PDE1C: variants seen among roughly 807,000 people sequenced by gnomAD.
PDE1C encodes phosphodiesterase 1C, also known as dual specificity calcium/calmodulin-dependent 3',5'-cyclic nucleotide phosphodiesterase 1C.
PDE1C carries 62 observed loss-of-function variants against 93.1 expected under a neutral mutation model. That is an observed-to-expected ratio of 0.67 (90% CI 0.54 to 0.82). The LOEUF (loss-of-function observed/expected upper bound fraction) is 0.82, where lower values mean the gene tolerates loss of function less well. PDE1C is among the 40% of genes least tolerant of loss of function. The pLI, the probability that PDE1C is intolerant of heterozygous loss-of-function variation, is 0.00. For missense variants in PDE1C, 742 were observed against 884.6 expected (o/e 0.84, Z 2.04); for synonymous variants, 325 against 310.1 (o/e 1.05, Z -0.50).
chr7:31,643,300 C>T, the PDE1C span: 6 of 1,613,724 alleles, frequency 3.7e-6, no homozygotes, highest in Admixed American at 1.0e-4. Context: ...ACAGTGTATC[C>T]CCAAGCACAG....
At chr7:32,130,596 C>T (rs1799859249) in intron 3 of PDE1C, among the ~76,000 whole-genome samples, 1 of 152,060 alleles carries the variant, frequency 6.6e-6, no homozygotes, top group Admixed American at 6.6e-5. Context: ...AAATAATCTC[C>T]ACAGTCCTTC....
intron 2 of PDE1C, among the ~76,000 whole-genome samples, chr7:31,934,424 G>T (rs1804741345): frequency 6.6e-6 from 1 of 152,040 alleles, no homozygotes. Context: ...TGTAATCCTT[G>T]TCATTCATTC....
At chr7:32,170,438 G>C (rs938314849) in intron 2 of PDE1C, among the ~76,000 whole-genome samples, 16 of 152,082 alleles carry the variant, frequency 1.1e-4, no homozygotes, top group Non-Finnish European at 2.4e-4. Flanking sequence ...ATTACATGTA[G>C]TTTATGCATG....
chr7:32,372,628 T>C (rs1446054695), intron 1 of PDE1C, among the ~76,000 whole-genome samples: 2 of 152,134 alleles, frequency 1.3e-5, no homozygotes, highest in Non-Finnish European at 2.9e-5. Flanking sequence ...AATAGATAAA[T>C]TGGACTTCAT....
Position 31,929,534 on chromosome 7 carries a change from G to A in PDE1C, c.129-48674C>T, listed in dbSNP as rs143645333. ...TTATCCTAAAATCGACCATATATTT[G>A]GAAGTAAAACACTCCTCAGCAAATG... On this transcript the variant is annotated intron_variant, in intron 2 of 17. Coordinates refer to ENST00000396191, the MANE Select transcript of PDE1C (RefSeq NM_001191057.4). 6.2e-3 allele frequency among the ~76,000 whole-genome samples: 939 copies of A among 152,184 alleles called. 6 individuals carry two copies. Among genetic ancestry groups the A allele is most frequent in the African/African-American group, 0.022 (906 of 41,510 alleles).
rs199642670 is a variant in PDE1C at position 31,841,209 on chromosome 7, G to C, written c.981-3238C>G. ...TGCTAGTGTCTCTCTCCCTCTCTCT[G>C]TCTCTCTCTCTCTCTCTCTATATAT... On this transcript the variant is annotated intron_variant, in intron 9 of 17. Coordinates refer to ENST00000396191, the MANE Select transcript of PDE1C (RefSeq NM_001191057.4). 4.1e-4 allele frequency among the ~76,000 whole-genome samples: 57 copies of C among 140,182 alleles called. No homozygotes were observed. The South Asian group carries it at 5.8e-3, about 14-fold the overall frequency. The allele number at this position is 140,182 out of a possible 152,430, so 92.0% of individuals were successfully genotyped here. A position where few individuals can be genotyped will look rare whatever the true frequency, so the allele number is the denominator to read the frequency against.
At chr7:32,228,447 A>G (rs1323085036) in intron 1 of PDE1C, among the ~76,000 whole-genome samples, 1 of 152,214 alleles carries the variant, frequency 6.6e-6, no homozygotes, top group Non-Finnish European at 1.5e-5. Flanking sequence ...TTTCCATCTT[A>G]CAAATGAGAC....
At chr7:32,090,337 T>C (rs1797401020) in intron 3 of PDE1C, among the ~76,000 whole-genome samples, 1 of 152,224 alleles carries the variant, frequency 6.6e-6, no homozygotes, top group Admixed American at 6.5e-5. Flanking sequence ...CTAACACCTG[T>C]GCTGACATTT....
intron 2 of PDE1C, among the ~76,000 whole-genome samples, chr7:32,041,621 C>CT (rs920915822): frequency 6.6e-6 from 1 of 152,114 alleles, no homozygotes; most frequent in African/African-American, 2.4e-5. Flanking sequence ...TTGTTATTTA[C>CT]TTTTTTTATG....
the PDE1C span, chr7:31,695,649 G>C: frequency 0.69 from 1,097,229 of 1,594,188 alleles, 381,612 homozygotes; most frequent in African/African-American, 0.94. Flanking sequence ...CTGCACAGCT[G>C]TAAAGGAGAG....
chr7:31,641,030 G>A, the PDE1C span, among the ~76,000 whole-genome samples: 2 of 152,118 alleles, frequency 1.3e-5, no homozygotes, highest in Non-Finnish European at 2.9e-5. Flanking sequence ...TTTGGGCTGG[G>A]TTGGCCAGCT....
intron 2 of PDE1C, among the ~76,000 whole-genome samples, chr7:32,032,094 TC>T (rs1158090767): frequency 6.6e-6 from 1 of 151,990 alleles, no homozygotes; most frequent in Non-Finnish European, 1.5e-5. Flanking sequence ...TACAATAAAG[TC>T]AAAAGAGTAG....
At chr7:31,748,352 T>G (rs1198177814), downstream of PDE1C, among the ~76,000 whole-genome samples, 2 of 152,212 alleles carry the variant, frequency 1.3e-5, no homozygotes, top group African/African-American at 4.8e-5. Context: ...TGACCATACA[T>G]GCATTGTCTC....
chr7:31,720,817 T>A, the PDE1C span, among the ~76,000 whole-genome samples: 1 of 152,252 alleles, frequency 6.6e-6, no homozygotes, highest in East Asian at 1.9e-4. Flanking sequence ...TTGCCAAGAG[T>A]ACAAATATTG....
intron 1 of PDE1C, among the ~76,000 whole-genome samples, chr7:32,328,122 C>G (rs868483707): frequency 3.3e-4 from 50 of 152,110 alleles, no homozygotes; most frequent in African/African-American, 1.2e-3. Context: ...TAGATCCTAC[C>G]AAACAGTTTT....
chr7:31,939,366 G>A (rs947879494), intron 2 of PDE1C, among the ~76,000 whole-genome samples: 1 of 152,104 alleles, frequency 6.6e-6, no homozygotes, highest in Non-Finnish European at 1.5e-5. Context: ...GTATCCAAAT[G>A]CTCTCATTTG....
intron 3 of PDE1C, among the ~76,000 whole-genome samples, chr7:32,136,559 A>C (rs1800223739): frequency 6.6e-6 from 1 of 152,118 alleles, no homozygotes; most frequent in Admixed American, 6.5e-5. Context: ...AATACCCAAT[A>C]AATATTTGCT....
rs570306558 is a variant in PDE1C, at chr7:31,871,873, A to AAAAG, written c.609+1415_609+1418dup. Among the ~76,000 whole-genome samples, 604 of 152,130 alleles carry AAAAG rather than the reference A, an allele frequency of 4.0e-3. 5 individuals carry two copies. The highest frequency in any genetic ancestry group is 0.014 in the Middle Eastern group (4 of 294). ...AATCTCACTACTGGGTATTTATTAA[A>AAAAG]AAAGAAAGAAAGAAAGAAAGAAATC... On this transcript the variant is annotated intron_variant, in intron 6 of 17. Coordinates refer to ENST00000396191, the MANE Select transcript of PDE1C (RefSeq NM_001191057.4).
chr7:31,874,973 A>G (rs1796361648), intron 5 of PDE1C, among the ~76,000 whole-genome samples: 1 of 152,172 alleles, frequency 6.6e-6, no homozygotes, highest in Admixed American at 6.5e-5. Context: ...TAATGATCTC[A>G]CTGCCAACAG....
Sources: gnomAD v4.1 joint callset for allele counts (sites outside exome capture counted in the v4.1 genomes callset) on GRCh38, gnomAD v4.1.1 for gene constraint, MANE v1.5 for transcripts, NCBI Gene and HGNC (gene_info 2026-07-23, HGNC 2026-07-21) for gene names.